PAK2: variants seen among roughly 807,000 people sequenced by gnomAD.
The protein encoded by PAK2 is p21 (RAC1) activated kinase 2.
In PAK2, 21 loss-of-function variants were observed where a neutral mutation model predicts 65.9. The ratio of observed to expected loss-of-function variants is 0.32; its 90% confidence interval spans 0.23 to 0.46. PAK2 has a LOEUF of 0.46. Ranked by LOEUF, PAK2 falls within the 20% of genes least tolerant of loss-of-function variation. The pLI is 1.00. For missense variants in PAK2, 324 were observed against 642.6 expected, an observed-to-expected ratio of 0.50 and a Z score of 5.36; for synonymous variants, 204 against 219.7, an observed-to-expected ratio of 0.93 and a Z score of 0.63.
intron 1 of PAK2, among the ~76,000 whole-genome samples, chr3:196,765,993 G>A (rs567076506): frequency 3.2e-3 from 486 of 151,402 alleles, no homozygotes; most frequent in African/African-American, 0.011. Context: ...TCCACCTCCC[G>A]GGGTCAAGCG....
intron 1 of PAK2, among the ~76,000 whole-genome samples, chr3:196,743,851 C>G (rs1342654199): frequency 1.3e-5 from 2 of 152,140 alleles, no homozygotes; most frequent in African/African-American, 4.8e-5. Context: ...CACTGCACTT[C>G]AGCCTGGGTG....
chr3:196,787,787 T>G (rs1281271628), intron 2 of PAK2, among the ~76,000 whole-genome samples: 1 of 152,176 alleles, frequency 6.6e-6, no homozygotes, highest in Admixed American at 6.5e-5. Flanking sequence ...TCCTCCTGTT[T>G]CCTGGAGCTC....
At chr3:196,751,639 T>C (rs1282277293) in intron 1 of PAK2, among the ~76,000 whole-genome samples, 1 of 118,750 alleles carries the variant, frequency 8.4e-6, no homozygotes, top group Admixed American at 9.4e-5. Flanking sequence ...AGAGCAAGAC[T>C]GTCCCCCCAA....
rs556792268 is a variant in PAK2, at chr3:196,754,957, G to C, written c.-22+14800G>C. Among the ~76,000 whole-genome samples, 72 of 152,308 alleles carry C rather than the reference G, an allele frequency of 4.7e-4. No individual in the cohort carries two copies. The South Asian group carries it at 0.015, about 31-fold the overall frequency. On this transcript the variant is annotated intron_variant, in intron 1 of 14. Coordinates refer to ENST00000327134, the MANE Select transcript of PAK2 (RefSeq NM_002577.4). ...AATAAAGCGATGGCTAGTAGGGAGA[G>C]ACAAGATATCTTCATAGTTCTTTTA... is the stretch of plus-strand genomic sequence containing the variant.
chr3:196,758,484 A>G (rs920008896), intron 1 of PAK2, among the ~76,000 whole-genome samples: 1 of 152,244 alleles, frequency 6.6e-6, no homozygotes, highest in African/African-American at 2.4e-5. Context: ...CAATTAAAGA[A>G]ACAGTAAGAA....
rs1327329616 is a variant in PAK2, at chr3:196,807,817, A to G, written c.612A>G (p.Ala204=). ...GGTCTGTAATTGACCCTGTTCCTGC[A>G]CCAGTTGGTGATTCACATGTTGATG... ...YTRSVIDPVP[A]PVGDSHVDGA... The change falls in exon 7 of 15, where the codon GCA becomes GCG. Residue 204 remains alanine, a synonymous_variant. Coordinates refer to ENST00000327134, the MANE Select transcript of PAK2 (RefSeq NM_002577.4). 1 of 1,612,318 alleles carries G rather than the reference A, an allele frequency of 6.2e-7. No homozygotes were observed.
intron 1 of PAK2, among the ~76,000 whole-genome samples, chr3:196,746,470 G>T (rs935822312): frequency 1.3e-5 from 2 of 152,002 alleles, no homozygotes; most frequent in South Asian, 4.1e-4. Context: ...TTAGTCCTGC[G>T]TACGGAATTT....
chr3:196,812,364 G>A, intron 9 of PAK2, 97 bp downstream of exon 9: 1 of 781,432 alleles, frequency 1.3e-6, no homozygotes, highest in South Asian at 1.4e-5. Flanking sequence ...CCTCTTTTAA[G>A]TTGAGCCCGT....
chr3:196,803,391 A>G (rs1185290114), intron 4 of PAK2, among the ~76,000 whole-genome samples: 4 of 152,066 alleles, frequency 2.6e-5, no homozygotes, highest in African/African-American at 4.8e-5. Flanking sequence ...GAGTTGATGG[A>G]TATTTTGGCT....
intron 4 of PAK2, 111 bp downstream of exon 4, chr3:196,803,275 G>GT: frequency 1.2e-6 from 1 of 853,680 alleles, no homozygotes; most frequent in African/African-American, 1.7e-5. Context: ...GTTGATAACG[G>GT]TTTTTCCCTG....
intron 1 of PAK2, among the ~76,000 whole-genome samples, chr3:196,740,416 C>G (rs1237435402): frequency 6.6e-6 from 1 of 152,152 alleles, no homozygotes. Context: ...TCTTCCTGGA[C>G]CCAGCCCTGC....
chr3:196,804,290 G>A (rs1419672475), intron 4 of PAK2, among the ~76,000 whole-genome samples: 1 of 151,994 alleles, frequency 6.6e-6, no homozygotes, highest in Non-Finnish European at 1.5e-5. Flanking sequence ...TTTTTGTTGA[G>A]TCTAGTACAC....
chr3:196,807,523 C>T (rs1328417326), intron 6 of PAK2, among the ~76,000 whole-genome samples: 1 of 152,172 alleles, frequency 6.6e-6, no homozygotes, highest in East Asian at 1.9e-4. Context: ...GACCTGGTCA[C>T]ACTTAAATTT....
At chr3:196,778,019 G>C (rs7626440) in intron 1 of PAK2, among the ~76,000 whole-genome samples, 80,259 of 151,904 alleles carry the variant, frequency 0.53, 21,574 homozygotes, top group East Asian at 0.7. Flanking sequence ...AGAGAAACTT[G>C]ATACCCATTA....
At chr3:196,799,381 C>T (rs1715351547) in intron 2 of PAK2, among the ~76,000 whole-genome samples, 1 of 152,090 alleles carries the variant, frequency 6.6e-6, no homozygotes, top group East Asian at 1.9e-4. Context: ...TCTAAGTGTC[C>T]CCCAGAGTTC....
intron 2 of PAK2, among the ~76,000 whole-genome samples, chr3:196,787,220 A>C (rs1714918395): frequency 6.6e-6 from 1 of 152,132 alleles, no homozygotes; most frequent in African/African-American, 2.4e-5. Context: ...TCTTTCTATA[A>C]ATTTTAGAAT....
At chr3:196,754,037 T>C (rs1218834098) in intron 1 of PAK2, among the ~76,000 whole-genome samples, 2 of 152,198 alleles carry the variant, frequency 1.3e-5, no homozygotes, top group Admixed American at 6.5e-5. Flanking sequence ...ACCACTCGTT[T>C]GATTTTTCTT....
At chr3:196,778,254 A>G (rs1057117202) in intron 1 of PAK2, among the ~76,000 whole-genome samples, 30 of 152,030 alleles carry the variant, frequency 2.0e-4, no homozygotes, top group African/African-American at 6.8e-4. Context: ...ACAATATTCC[A>G]TCTTATGGAT....
intron 4 of PAK2, among the ~76,000 whole-genome samples, chr3:196,803,871 A>AAG (rs1442222513): frequency 6.6e-6 from 1 of 152,204 alleles, no homozygotes; most frequent in African/African-American, 2.4e-5. Context: ...TATATAGTGT[A>AAG]AGAGTTGGTG....
Sources: allele counts gnomAD v4.1 joint callset (sites outside exome capture counted in the v4.1 genomes callset), GRCh38; gene constraint gnomAD v4.1.1; transcripts MANE v1.5; gene names NCBI Gene and HGNC (gene_info 2026-07-23, HGNC 2026-07-21).